TRPM1: variants seen among roughly 807,000 people sequenced by gnomAD.
TRPM1 encodes the protein transient receptor potential cation channel subfamily M member 1.
TRPM1 carries 113 observed loss-of-function variants against 149.4 expected under a neutral mutation model. The ratio of observed to expected loss-of-function variants is 0.76; its 90% CI spans 0.65 to 0.88. The LOEUF (loss-of-function observed/expected upper bound fraction) is 0.88, where lower values mean the gene tolerates loss of function less well. Ranked by LOEUF, TRPM1 falls within the 40% of genes least tolerant of loss-of-function variation. The pLI, the probability that TRPM1 is intolerant of heterozygous loss-of-function variation, is 0.00. For missense variants in TRPM1, 1,976 were observed against 2,038.7 expected (o/e 0.97, Z 0.59); for synonymous variants, 741 against 759.5 (o/e 0.98, Z 0.40).
rs571651303 is a variant in TRPM1, at chr15:31,067,083, C to T, written c.598G>A (p.Glu200Lys). The T allele has an allele frequency of 5.6e-6, 9 of 1,614,186 alleles. No individual in the cohort carries two copies. Among genetic ancestry groups the T allele is most frequent in the South Asian group, 4.4e-5 (4 of 91,054 alleles). The change falls in exon 6 of 28, where the codon GAA becomes AAA. Residue 200 changes from glutamate to lysine, a missense_variant. Physicochemically the swap from Glu to Lys is moderately conservative, Grantham distance 56. Around this residue, in one of 3 missense-constraint regions of TRPM1, gnomAD observed 1,332 missense variants for 1,347.1 expected, o/e 0.99. Transcript: ENST00000256552. ...CTTACATCCTTTCCAACCAGGTCTT[C>T]CTTATTCTCCACGATGCCCCATGGA... ...IAPWGIVENK[E>K]DLVGKDVTRV...
chr15:31,113,562 T>A (rs561266314), intron 1 of TRPM1, among the ~76,000 whole-genome samples: 8 of 152,316 alleles, frequency 5.3e-5, no homozygotes, highest in Non-Finnish European at 1.0e-4. Flanking sequence ...TGTTTTTTTT[T>A]AACTTTAGGT....
intron 15 of TRPM1, 104 bp from the exon 16 acceptor site, chr15:31,046,337 A>G: frequency 9.4e-7 from 1 of 1,062,770 alleles, no homozygotes; most frequent in Non-Finnish European, 1.5e-6. Context: ...TGGATTAAAA[A>G]GCACTTTGTA....
intron 27 of TRPM1, among the ~76,000 whole-genome samples, chr15:31,013,734 G>C (rs902772574): frequency 2.6e-5 from 4 of 152,056 alleles, no homozygotes; most frequent in African/African-American, 9.7e-5. Context: ...TAGTGTAGTT[G>C]TTGTTTGTTG....
At chr15:31,050,673 GCACACATGCACAC>G (rs1401508456) in intron 11 of TRPM1, 91 bp from the exon 12 acceptor site, 12 of 1,307,544 alleles carry the variant, frequency 9.2e-6, no homozygotes, top group Middle Eastern at 2.0e-4. Flanking sequence ...CTCTGTATGT[GCACACATGCACAC>G]CACACATGCA....
rs1456910471 is a variant in TRPM1 at position 31,003,049 on chromosome 15, C to T, written c.3651G>A (p.Arg1217=). 2 of 1,604,996 alleles carry T rather than the reference C, an allele frequency of 1.2e-6. No individual in the cohort carries two copies. Among genetic ancestry groups the T allele is most frequent in the South Asian group, 1.1e-5 (1 of 88,446 alleles). ...TTTCTCTTTCATTGATTTCTTCCAA[C>T]CTCATTGACATATTTTCAACTCTGG... The part of the protein sequence containing the change: ...TSERVENMSM[R]LEEINERETF... Residue 1217 remains arginine (R), a synonymous_variant, in exon 28 of 28, where the codon AGG becomes AGA. Transcript: ENST00000256552.
At chr15:31,126,497 T>C (rs1255801473) in intron 1 of TRPM1, among the ~76,000 whole-genome samples, 1 of 152,146 alleles carries the variant, frequency 6.6e-6, no homozygotes, top group African/African-American at 2.4e-5. Context: ...TCTCCCATCC[T>C]TGGCAGGGTT....
intron 3 of TRPM1, among the ~76,000 whole-genome samples, chr15:31,071,012 A>G (rs1183132974): frequency 6.6e-6 from 1 of 152,214 alleles, no homozygotes; most frequent in Non-Finnish European, 1.5e-5. Context: ...TTCTAGCTCT[A>G]CAGCATCTCT....
intron 11 of TRPM1, among the ~76,000 whole-genome samples, chr15:31,051,707 C>A (rs541651802): frequency 1.3e-5 from 2 of 152,326 alleles, no homozygotes; most frequent in East Asian, 1.9e-4. Context: ...CCCACACCAC[C>A]AGTCACCACT....
rs369155075 is a variant in TRPM1 at position 31,040,165 on chromosome 15, C to T, written c.2269G>A (p.Asp757Asn). The T allele has an allele frequency of 3.2e-5, 52 of 1,614,112 alleles. No homozygotes were observed. The highest frequency in any genetic ancestry group is 1.6e-4 in the Middle Eastern group (1 of 6,084). The change falls in exon 18 of 28, where the codon GAT becomes AAT. Residue 757 changes from aspartate (D) to asparagine (N), a missense_variant. By Grantham distance (23) the Asp-to-Asn change is conservative. Coordinates refer to ENST00000256552, the MANE Select transcript of TRPM1 (RefSeq NM_001252024.2). The surrounding 1 kb of genome is among the most constrained non-coding windows in gnomAD (Gnocchi z 4.2). ...ATCCGCAGTCTTCCCATCCACATAT[C>T]GGTCAGCAGCATCTGGCTGCAGGTG... is the stretch of plus-strand genomic sequence containing the variant. ...AHTCSQMLLT[D>N]MWMGRLRMRK...
At position 31,032,883 on chromosome 15, in the gene TRPM1, A is replaced by G; in HGVS notation, c.2758T>C (p.Tyr920His). 1.2e-6 allele frequency: 2 copies of G among 1,614,130 alleles called. No individual in the cohort carries two copies. The highest frequency in any genetic ancestry group is 2.2e-5 in the South Asian group (2 of 91,074). ...SQKIKVWLQE[Y>H]WNITDLVAIS... ...GCCACGAGATCTGTGATGTTCCAGT[A>G]CTCCTGAAGCCAAACTTTGATTTTC... The change falls in exon 22 of 28, where the codon TAC becomes CAC. Residue 920 changes from tyrosine to histidine, a missense_variant. Transcript: ENST00000256552.
At chr15:31,043,354 G>A (rs941436113) in intron 16 of TRPM1, among the ~76,000 whole-genome samples, 1 of 152,038 alleles carries the variant, frequency 6.6e-6, no homozygotes, top group Non-Finnish European at 1.5e-5. Context: ...CACCACGCCC[G>A]GCTAATTTTT....
chr15:31,072,002 TATATATATATATATATAGAGAGAGAGAG>T (rs1256060758), intron 3 of TRPM1, among the ~76,000 whole-genome samples: 18 of 67,966 alleles, frequency 2.6e-4, no homozygotes, highest in South Asian at 5.4e-4. Context: ...TATATATATA[TATATATATATATATATAGAGAGAGAGAG>T]AGAGAGAGAG....
upstream of TRPM1, among the ~76,000 whole-genome samples, chr15:31,103,744 C>T (rs1056944656): frequency 5.6e-5 from 8 of 143,182 alleles, no homozygotes; most frequent in Admixed American, 7.4e-5. Flanking sequence ...ACCCTGGAGG[C>T]GGAAGTTGCA....
intron 27 of TRPM1, among the ~76,000 whole-genome samples, chr15:31,007,403 C>T (rs1484556325): frequency 2.0e-5 from 3 of 152,140 alleles, no homozygotes; most frequent in African/African-American, 7.2e-5. Context: ...TGTAGCTTCA[C>T]AGTAAGCCTT....
chr15:31,070,077 T>C lies in TRPM1; in HGVS notation c.233A>G (p.Tyr78Cys), dbSNP rs2034491391. The change falls in exon 4 of 28, where the codon TAT becomes TGT. Residue 78 changes from tyrosine to cysteine, a missense_variant. Tyr to Cys is a radical substitution (Grantham distance 194). Around this residue, in one of 3 missense-constraint regions of TRPM1, gnomAD observed 1,332 missense variants for 1,347.1 expected, o/e 0.99. Transcript: ENST00000256552. ...KHTQSYPTDSYGVLEFQGGGY... is the reference protein window; with the variant it reads ...KHTQSYPTDSCGVLEFQGGGY... Reference sequence around the variant, plus strand: ...GCCACCCTGGAATTCAAGAACTCCATAGGAATCTGTTGGGTAGCTCTGGGT... The same window carrying C: ...GCCACCCTGGAATTCAAGAACTCCACAGGAATCTGTTGGGTAGCTCTGGGT... 6.8e-6 allele frequency: 11 copies of C among 1,614,190 alleles called. No homozygotes were observed. Among genetic ancestry groups the C allele is most frequent in the Non-Finnish European group, 9.3e-6 (11 of 1,180,024 alleles).
intron 27 of TRPM1, among the ~76,000 whole-genome samples, chr15:31,004,070 C>T (rs1281751871): frequency 6.6e-6 from 1 of 152,176 alleles, no homozygotes; most frequent in African/African-American, 2.4e-5. Context: ...AGCTAGGAGT[C>T]CTGGCTACTG....
chr15:31,001,112 C>A lies in TRPM1; in HGVS notation c.*710G>T, dbSNP rs954726377. 4.6e-5 allele frequency: 7 copies of A among 152,102 alleles called. No homozygotes were observed. The highest frequency in any genetic ancestry group is 1.4e-4 in the African/African-American group (6 of 41,392). The allele number at this position is 152,102 out of a possible 1,614,324, so 9.4% of individuals were successfully genotyped here. A position where few individuals can be genotyped will look rare whatever the true frequency, so the allele number is the denominator to read the frequency against. On this transcript the variant is annotated 3_prime_UTR_variant, in exon 28 of 28. Coordinates refer to ENST00000256552, the MANE Select transcript of TRPM1 (RefSeq NM_001252024.2). Reference sequence around the variant, plus strand: ...TGCACATTAACAAAACTCTAGGTCACCCTAAATTATTAGAGTATGATGTTT... The same window carrying A: ...TGCACATTAACAAAACTCTAGGTCAACCTAAATTATTAGAGTATGATGTTT...
chr15:31,103,541 C>T (rs1189548171), upstream of TRPM1, among the ~76,000 whole-genome samples: 2 of 152,048 alleles, frequency 1.3e-5, no homozygotes, highest in Non-Finnish European at 2.9e-5. Flanking sequence ...TTTAAATTGG[C>T]CCAGCTCACG....
chr15:31,088,312 T>C (rs1047188068), intron 1 of TRPM1, among the ~76,000 whole-genome samples: 1 of 152,242 alleles, frequency 6.6e-6, no homozygotes, highest in South Asian at 2.1e-4. Flanking sequence ...GCGCCAGCCC[T>C]GGCAATCCGC....
Sources: gnomAD v4.1 joint callset for allele counts (sites outside exome capture counted in the v4.1 genomes callset) on GRCh38, gnomAD v4.1.1 for gene constraint, gnomAD v4.1.1 regional missense constraint, Gnocchi (gnomAD v3.1) non-coding constraint, MANE v1.5 for transcripts, NCBI Gene and HGNC (gene_info 2026-07-23, HGNC 2026-07-21) for gene names.